The following WWOX variants were observed in gnomAD, a reference collection of about 807,000 sequenced individuals.
The protein encoded by WWOX is WW domain-containing oxidoreductase.
Under a neutral mutation model 46.2 loss-of-function variants are expected in WWOX, and 69 were observed. The ratio of observed to expected loss-of-function variants is 1.49; its 90% confidence interval spans 1.23 to 1.82. The LOEUF is 1.82. Ranked by LOEUF, WWOX falls within the 40% of genes most tolerant of loss-of-function variation. The probability of loss-of-function intolerance (pLI) is 0.00; values close to 1 mark genes in which losing one functional copy is unlikely to be tolerated. For missense variants in WWOX, 919 were observed against 542.6 expected (o/e 1.69, Z -6.89); for synonymous variants, 359 against 202.6 (o/e 1.77, Z -6.56).
intron 8 of WWOX, among the ~76,000 whole-genome samples, chr16:79,208,638 T>TAAAGAGCAC (rs1372369634): frequency 4.0e-5 from 6 of 151,508 alleles, no homozygotes; most frequent in Non-Finnish European, 8.9e-5. Flanking sequence ...TAAATTTTTT[T>TAAAGAGCAC]TTTAATCAGT....
intron 8 of WWOX, chr16:78,873,602 C>T (rs1051515398): frequency 1.3e-5 from 2 of 152,004 alleles, no homozygotes. Flanking sequence ...GCCTGGGGAA[C>T]ATACTGACAC....
chr16:78,260,200 C>T lies in WWOX; in HGVS notation c.516+95911C>T, dbSNP rs117081099. Among the ~76,000 whole-genome samples the T allele has an allele frequency of 2.3e-3, 346 of 151,536 alleles. 8 individuals carry two copies. Among genetic ancestry groups the T allele is most frequent in the Non-Finnish European group, 4.1e-3 (278 of 67,868 alleles). ...CTGGTGTGGGAGGGACCCAGGTGAA[C>T]AGGGTCTGGAGTAGACCCCCAGCAA... is the stretch of plus-strand genomic sequence containing the variant. On this transcript the variant is annotated intron_variant, in intron 5 of 8. Transcript: ENST00000566780.
At chr16:78,755,262 C>T (rs1266525951) in intron 8 of WWOX, among the ~76,000 whole-genome samples, 3 of 151,120 alleles carry the variant, frequency 2.0e-5, no homozygotes, top group South Asian at 2.1e-4. Flanking sequence ...AAGAAAACAC[C>T]GGAAAAAAGA....
chr16:79,093,822 G>C (rs1031530107), intron 8 of WWOX, among the ~76,000 whole-genome samples: 1 of 152,178 alleles, frequency 6.6e-6, no homozygotes, highest in Non-Finnish European at 1.5e-5. Context: ...CAGAGTGACA[G>C]GCCTGAAGTA....
chr16:78,520,783 T>G (rs1035420400), intron 8 of WWOX, among the ~76,000 whole-genome samples: 1 of 152,132 alleles, frequency 6.6e-6, no homozygotes, highest in Non-Finnish European at 1.5e-5. Flanking sequence ...TATTAGAACA[T>G]CTGTGATGAG....
At chr16:78,534,713 T>A (rs887099112) in intron 8 of WWOX, among the ~76,000 whole-genome samples, 2 of 151,452 alleles carry the variant, frequency 1.3e-5, no homozygotes, top group Non-Finnish European at 2.9e-5. Flanking sequence ...TTTATTTTTT[T>A]ATTTCATTTT....
At chr16:78,212,507 A>C (rs1437563359) in intron 5 of WWOX, among the ~76,000 whole-genome samples, 1 of 152,182 alleles carries the variant, frequency 6.6e-6, no homozygotes, top group South Asian at 2.1e-4. Flanking sequence ...AAGTCCCATG[A>C]GGACTGATAG....
At chr16:78,458,941 C>A (rs1382772448) in intron 8 of WWOX, among the ~76,000 whole-genome samples, 1 of 152,098 alleles carries the variant, frequency 6.6e-6, no homozygotes, top group African/African-American at 2.4e-5. Flanking sequence ...CTCTGTGTCA[C>A]CTCAGCATTT....
intron 8 of WWOX, among the ~76,000 whole-genome samples, chr16:78,955,089 C>G (rs1437500346): frequency 6.6e-6 from 1 of 152,154 alleles, no homozygotes; most frequent in African/African-American, 2.4e-5. Flanking sequence ...TCAGGAAACT[C>G]CGCAGAGAGA....
chr16:78,427,577 G>A (rs1456922684), intron 7 of WWOX, among the ~76,000 whole-genome samples: 2 of 151,760 alleles, frequency 1.3e-5, no homozygotes, highest in Non-Finnish European at 2.9e-5. Flanking sequence ...CAGCTTCTGT[G>A]TAGACAGAAT....
At chr16:78,758,672 C>A (rs957376037) in intron 8 of WWOX, among the ~76,000 whole-genome samples, 2 of 152,118 alleles carry the variant, frequency 1.3e-5, no homozygotes, top group African/African-American at 2.4e-5. Flanking sequence ...TGGTTCCAAT[C>A]GTGTCCCCTT....
At chr16:78,139,647 A>C (rs2033918861) in intron 4 of WWOX, among the ~76,000 whole-genome samples, 1 of 152,204 alleles carries the variant, frequency 6.6e-6, no homozygotes, top group Non-Finnish European at 1.5e-5. Context: ...TCTGTCTCTA[A>C]ATACATAAAT....
intron 8 of WWOX, among the ~76,000 whole-genome samples, chr16:78,848,408 C>T (rs1159337033): frequency 6.6e-6 from 1 of 152,168 alleles, no homozygotes; most frequent in Non-Finnish European, 1.5e-5. Context: ...AGACCAGCAC[C>T]TCGAGAAAGA....
chr16:78,989,044 T>A (rs1329695192), intron 8 of WWOX, among the ~76,000 whole-genome samples: 1 of 152,184 alleles, frequency 6.6e-6, no homozygotes, highest in Non-Finnish European at 1.5e-5. Context: ...AGTTCGATGA[T>A]TCAGAGTAAG....
intron 8 of WWOX, among the ~76,000 whole-genome samples, chr16:78,893,894 C>G (rs1293407141): frequency 2.6e-5 from 4 of 152,070 alleles, no homozygotes; most frequent in African/African-American, 9.7e-5. Flanking sequence ...CTAGATGCAT[C>G]TTTTGAGTTG....
chr16:78,464,344 A>G (rs954681035), intron 8 of WWOX, among the ~76,000 whole-genome samples: 3 of 145,966 alleles, frequency 2.1e-5, no homozygotes, highest in African/African-American at 8.4e-5. Flanking sequence ...GAAAGAAGAG[A>G]GAGAAGGAGG....
intron 8 of WWOX, among the ~76,000 whole-genome samples, chr16:78,691,701 G>A (rs888219448): frequency 6.6e-6 from 1 of 152,078 alleles, no homozygotes; most frequent in Non-Finnish European, 1.5e-5. Flanking sequence ...GGACAAGACC[G>A]TGTCTCCAAA....
intron 8 of WWOX, among the ~76,000 whole-genome samples, chr16:79,128,659 G>A (rs544645777): frequency 1.3e-5 from 2 of 152,318 alleles, no homozygotes; most frequent in South Asian, 4.1e-4. Context: ...TCACTCAACT[G>A]AGGAATTCTA....
intron 8 of WWOX, among the ~76,000 whole-genome samples, chr16:79,056,233 A>T (rs2048259932): frequency 7.1e-6 from 1 of 140,732 alleles, no homozygotes; most frequent in East Asian, 2.0e-4. Context: ...AAAAAAAAAA[A>T]ATTCAGCATT....
Sources: gnomAD v4.1 joint callset for allele counts (sites outside exome capture counted in the v4.1 genomes callset) on GRCh38, gnomAD v4.1.1 for gene constraint, MANE v1.5 for transcripts, NCBI Gene and HGNC (gene_info 2026-07-23, HGNC 2026-07-21) for gene names.